Variants in UBR4 observed in about 807,000 individuals in gnomAD.
UBR4 encodes ubiquitin protein ligase E3 component n-recognin 4.
UBR4 carries 124 observed loss-of-function variants against 575.6 expected under a neutral mutation model. The ratio of observed to expected loss-of-function variants is 0.22; its 90% CI spans 0.19 to 0.25. The LOEUF (loss-of-function observed/expected upper bound fraction) is 0.25. Ranked by LOEUF, UBR4 falls within the 10% of genes least tolerant of loss-of-function variation. UBR4 has a pLI of 1.00. For missense variants in UBR4, 4,818 were observed against 6,478.8 expected (o/e 0.74, Z 8.80); for synonymous variants, 2,455 against 2,473.7 (o/e 0.99, Z 0.22).
rs777420625 is a variant in UBR4 at position 19,088,962 on chromosome 1, C to G, written c.14227G>C (p.Asp4743His). 3.7e-6 allele frequency: 6 copies of G among 1,614,074 alleles called. No individual in the cohort carries two copies. The Admixed American group carries it at 5.0e-5, about 13-fold the overall frequency. The stretch of plus-strand genomic sequence containing the variant: ...AGCTTATGCAGGTTCGGGATGGAAT[C>G]AGTTCCAATCAGAACCTGCCAGTAA... The part of the protein sequence containing the change: ...HPGTQVLIGT[D>H]SIPNLHKLEQ... Residue 4743 changes from aspartate (D) to histidine (H), a missense_variant, in exon 98 of 106, where the codon GAT becomes CAT. Physicochemically the swap from Asp to His is moderately conservative, Grantham distance 81. Coordinates refer to ENST00000375254, the MANE Select transcript of UBR4 (RefSeq NM_020765.3). This position sits in a 1 kb window ranked among gnomAD's most constrained non-coding sequence, Gnocchi z 4.0.
At chr1:19,085,637 G>A (rs991022783) in intron 101 of UBR4, among the ~76,000 whole-genome samples, 2 of 152,118 alleles carry the variant, frequency 1.3e-5, no homozygotes, top group Non-Finnish European at 2.9e-5. Flanking sequence ...ACTTGGGGTG[G>A]GGCACCACTC....
At chr1:19,179,483 A>G (rs556989852) in intron 17 of UBR4, among the ~76,000 whole-genome samples, 45 of 152,362 alleles carry the variant, frequency 3.0e-4, no homozygotes, top group Admixed American at 7.8e-4. Context: ...CTGAAAAAAG[A>G]GAAAAGCATT....
chr1:19,106,213 A>C (rs2149192093), intron 83 of UBR4, among the ~76,000 whole-genome samples: 1 of 152,318 alleles, frequency 6.6e-6, no homozygotes. Context: ...TTTATATATC[A>C]ATGGACAAAT....
chr1:19,184,833 T>C (rs1425931219), intron 15 of UBR4, among the ~76,000 whole-genome samples: 2 of 152,124 alleles, frequency 1.3e-5, no homozygotes, highest in African/African-American at 2.4e-5. Context: ...TCCCATATGA[T>C]AGGAGACAAA....
In UBR4 at chr1:19,110,552, T is replaced by G; in HGVS notation, c.11893-88A>C. On this transcript the variant is annotated intron_variant, in intron 79 of 105. Coordinates refer to ENST00000375254, the MANE Select transcript of UBR4 (RefSeq NM_020765.3). The surrounding 1 kb of genome is among the most constrained non-coding windows in gnomAD (Gnocchi z 4.5). Reference sequence around the variant, plus strand: ...TATTAATACAATTTCTGGTCCTAGGTGGCTCCAACAGAGACAAAGGACAGA... The same window carrying G: ...TATTAATACAATTTCTGGTCCTAGGGGGCTCCAACAGAGACAAAGGACAGA... The G allele has an allele frequency of 1.4e-6, 2 of 1,447,840 alleles. No homozygotes were observed. Among genetic ancestry groups the G allele is most frequent in the Non-Finnish European group, 1.9e-6 (2 of 1,041,240 alleles). The allele number at this position is 1,447,840 out of a possible 1,614,324, so 89.7% of individuals were successfully genotyped here.
At chr1:19,084,785 C>T in intron 101 of UBR4, 87 bp from the exon 102 acceptor site, 1 of 1,323,180 alleles carries the variant, frequency 7.6e-7, no homozygotes, top group South Asian at 1.5e-5. Context: ...TCCAGTACTC[C>T]CAGGCCTGAT....
Position 19,088,052 on chromosome 1 carries a change from G to GT in UBR4, c.14431-124_14431-123insA. ...CACTAAAAGGACAGGTGCATGAGAGGAAAGCCCTTGAGCTGTCTTCTAATA... is the reference window on the plus strand; with the variant it reads ...CACTAAAAGGACAGGTGCATGAGAGGTAAAGCCCTTGAGCTGTCTTCTAATA... On this transcript the variant is annotated intron_variant, in intron 98 of 105. Coordinates refer to ENST00000375254, the MANE Select transcript of UBR4 (RefSeq NM_020765.3). The surrounding 1 kb of genome is among the most constrained non-coding windows in gnomAD (Gnocchi z 4.0). The GT allele has an allele frequency of 4.3e-6, 3 of 699,388 alleles. No individual in the cohort carries two copies. The highest frequency in any genetic ancestry group is 7.5e-6 in the Non-Finnish European group (3 of 397,586). The allele number at this position is 699,388 out of a possible 1,614,324, so 43.3% of individuals were successfully genotyped here. A position where few individuals can be genotyped will look rare whatever the true frequency, so the allele number is the denominator to read the frequency against.
At chr1:19,134,959 GT>G (rs142748824) in intron 60 of UBR4, among the ~76,000 whole-genome samples, 8 of 151,098 alleles carry the variant, frequency 5.3e-5, no homozygotes, top group Non-Finnish European at 8.9e-5. Context: ...CAGTTTATAG[GT>G]TTTTTTTTCC....
In UBR4 at chr1:19,156,395, G is replaced by T; in HGVS notation, c.5948C>A (p.Ser1983Ter). 1 of 1,614,146 alleles carries T rather than the reference G, an allele frequency of 6.2e-7. No individual in the cohort carries two copies. The highest frequency in any genetic ancestry group is 2.2e-5 in the East Asian group (1 of 44,870). Residue 1983 changes from serine (S) to a stop codon, truncating the protein, a stop_gained, in exon 42 of 106, where the codon TCA (serine) becomes TAA (stop). Transcript: ENST00000375254. LOFTEE classifies it high-confidence loss of function. ...KDCHVLTFSS[S>*]GSVSDHLVLH... The stretch of plus-strand genomic sequence containing the variant: ...AACCAAGTGATCCGAAACAGAGCCT[G>T]AGCTACTAAAGGTGAGCACATGACA...
chr1:19,161,151 G>A lies in UBR4; in HGVS notation c.5176-4C>T. 1 of 1,613,498 alleles carries A rather than the reference G, an allele frequency of 6.2e-7. No individual in the cohort carries two copies. Among genetic ancestry groups the A allele is most frequent in the Non-Finnish European group, 8.5e-7 (1 of 1,179,726 alleles). ...TAGGAGTTCTCTTCACCAGAGCCTAGGGACAGAAAATGTCAGAGTCCCTAA... is the reference window on the plus strand; with the variant it reads ...TAGGAGTTCTCTTCACCAGAGCCTAAGGACAGAAAATGTCAGAGTCCCTAA... On this transcript the variant is annotated splice_polypyrimidine_tract_variant and splice_region_variant and intron_variant, in intron 37 of 105. Transcript: ENST00000375254.
intron 37 of UBR4, 99 bp downstream of exon 37, chr1:19,161,490 C>T: frequency 6.8e-7 from 1 of 1,467,914 alleles, no homozygotes; most frequent in Non-Finnish European, 9.2e-7. Flanking sequence ...TATTCCTAGA[C>T]TCAGGTATCC....
intron 7 of UBR4, 27 bp downstream of exon 7, chr1:19,197,643 A>C (rs184902022): frequency 8.7e-6 from 14 of 1,610,518 alleles, no homozygotes; most frequent in Non-Finnish European, 1.2e-5. Flanking sequence ...AAAAAAAGTA[A>C]AGCATGTGCA....
At chr1:19,168,440 T>C (rs1206930689) in intron 27 of UBR4, among the ~76,000 whole-genome samples, 1 of 151,806 alleles carries the variant, frequency 6.6e-6, no homozygotes, top group African/African-American at 2.4e-5. Flanking sequence ...TAGAGTATAA[T>C]ATAATGCACT....
chr1:19,095,104 G>T (rs1441699455), intron 93 of UBR4, 79 bp from the exon 94 acceptor site: 2 of 1,599,976 alleles, frequency 1.3e-6, no homozygotes, highest in Non-Finnish European at 1.7e-6. Flanking sequence ...TCTCAAGGAT[G>T]CCCTCACAGC....
chr1:19,087,319 G>C (rs1017105239), intron 99 of UBR4, among the ~76,000 whole-genome samples: 1 of 152,246 alleles, frequency 6.6e-6, no homozygotes, highest in Non-Finnish European at 1.5e-5. Flanking sequence ...AGAGCCAGCA[G>C]GTCACTGGCT....
chr1:19,165,701 T>C lies in UBR4; in HGVS notation c.4166A>G (p.Glu1389Gly). 1 of 1,614,194 alleles carries C rather than the reference T, an allele frequency of 6.2e-7. No individual in the cohort carries two copies. Among genetic ancestry groups the C allele is most frequent in the Non-Finnish European group, 8.5e-7 (1 of 1,180,020 alleles). Residue 1389 changes from glutamate (E) to glycine (G), a missense_variant, in exon 30 of 106, where the codon GAA becomes GGA. Physicochemically the swap from Glu to Gly is moderately conservative, Grantham distance 98 (BLOSUM62 -2). Coordinates refer to ENST00000375254, the MANE Select transcript of UBR4 (RefSeq NM_020765.3). ...ECLQYLEKQLESSQARKAMEE... is the reference protein window; with the variant it reads ...ECLQYLEKQLGSSQARKAMEE... ...CATAGCTTTACGAGCCTGGCTACTTTCCAGCTGCTTTTCCAAGTACTGGAG... is the reference window on the plus strand; with the variant it reads ...CATAGCTTTACGAGCCTGGCTACTTCCCAGCTGCTTTTCCAAGTACTGGAG...
intron 58 of UBR4, among the ~76,000 whole-genome samples, chr1:19,140,174 C>G (rs892732184): frequency 1.3e-5 from 2 of 151,648 alleles, no homozygotes; most frequent in African/African-American, 4.9e-5. Flanking sequence ...CAGGGGTTGA[C>G]CAGGTATCTC....
rs746187187 is a variant in UBR4 at position 19,162,468 on chromosome 1, C to A, written c.4908G>T (p.Trp1636Cys). The A allele has an allele frequency of 9.9e-6, 16 of 1,614,018 alleles. No individual in the cohort carries two copies. In the South Asian group the frequency reaches 1.5e-4, roughly 16 times the overall value. The change falls in exon 35 of 106, where the codon TGG becomes TGT. Residue 1636 changes from tryptophan (W) to cysteine (C), a missense_variant. By Grantham distance (215) the Trp-to-Cys change is radical (BLOSUM62 -2). Coordinates refer to ENST00000375254, the MANE Select transcript of UBR4 (RefSeq NM_020765.3). ...EERAIEVDSD[W>C]VEELAVEEED... Reference sequence around the variant, plus strand: ...CCTCTTCCACCGCCAACTCCTCCACCCAGTCTGAGTCTACTTCAATGGCCC... The same window carrying A: ...CCTCTTCCACCGCCAACTCCTCCACACAGTCTGAGTCTACTTCAATGGCCC...
chr1:19,087,204 C>T (rs61766779), intron 99 of UBR4, among the ~76,000 whole-genome samples: 14,644 of 152,338 alleles, frequency 0.096, 777 homozygotes, highest in Non-Finnish European at 0.12. Context: ...GCCTGCATTA[C>T]GCAGGACTAA....
Sources: gnomAD v4.1 joint callset for allele counts (sites outside exome capture counted in the v4.1 genomes callset) on GRCh38, gnomAD v4.1.1 for gene constraint, Gnocchi (gnomAD v3.1) non-coding constraint, MANE v1.5 for transcripts, NCBI Gene and HGNC (gene_info 2026-07-23, HGNC 2026-07-21) for gene names.